The following MACROD2 variants were observed in gnomAD, a reference collection of about 807,000 sequenced individuals.
MACROD2 encodes mono-ADP ribosylhydrolase 2.
In MACROD2, 36 loss-of-function variants were observed where a neutral mutation model predicts 70.4. The observed-to-expected ratio is 0.51, with a 90% CI of 0.39 to 0.68. The LOEUF (loss-of-function observed/expected upper bound fraction) is 0.68. Among genes scored for constraint, MACROD2 ranks in the 30% least tolerant of loss-of-function variants. The pLI is 0.00. For synonymous variants in MACROD2, 172 were observed against 178.8 expected (o/e 0.96, Z 0.30); for missense variants, 496 against 538.4 (o/e 0.92, Z 0.78).
At chr20:15,139,222 G>A (rs1400500938) in intron 5 of MACROD2, among the ~76,000 whole-genome samples, 1 of 152,136 alleles carries the variant, frequency 6.6e-6, no homozygotes, top group Non-Finnish European at 1.5e-5. Flanking sequence ...TTTTTATGAG[G>A]AAAACAATGA....
chr20:15,450,740 T>C (rs2146392600), intron 7 of MACROD2, among the ~76,000 whole-genome samples: 1 of 152,296 alleles, frequency 6.6e-6, no homozygotes, highest in East Asian at 1.9e-4. Context: ...AAACCAGACC[T>C]GTTCCACCCA....
intron 8 of MACROD2, among the ~76,000 whole-genome samples, chr20:15,557,442 G>A (rs2146599355): frequency 6.6e-6 from 1 of 152,276 alleles, no homozygotes; most frequent in South Asian, 2.1e-4. Flanking sequence ...TACCCCACAA[G>A]AAGAAACAGC....
chr20:14,016,385 G>A (rs1294233950), intron 2 of MACROD2, among the ~76,000 whole-genome samples: 1 of 152,072 alleles, frequency 6.6e-6, no homozygotes, highest in Non-Finnish European at 1.5e-5. Flanking sequence ...TCTTAATAGT[G>A]TCCTTTGATT....
intron 8 of MACROD2, among the ~76,000 whole-genome samples, chr20:15,595,532 C>T (rs1234572447): frequency 6.6e-6 from 1 of 151,936 alleles, no homozygotes; most frequent in Non-Finnish European, 1.5e-5. Context: ...AAATGTTCAA[C>T]CTGAGGAATA....
chr20:14,206,337 G>A (rs1025540037), intron 3 of MACROD2, among the ~76,000 whole-genome samples: 4 of 152,176 alleles, frequency 2.6e-5, no homozygotes, highest in Admixed American at 1.3e-4. Context: ...CTCTAGAGGA[G>A]AGTCTCAGCA....
intron 15 of MACROD2, among the ~76,000 whole-genome samples, chr20:16,017,128 C>T (rs908433244): frequency 6.6e-6 from 1 of 152,220 alleles, no homozygotes; most frequent in African/African-American, 2.4e-5. Flanking sequence ...CCACTGCCCT[C>T]TTTCCTCCAA....
At chr20:14,363,816 C>CAAAAAAAAAAAAAAAAAAA (rs569929488) in intron 3 of MACROD2, among the ~76,000 whole-genome samples, 3 of 71,560 alleles carry the variant, frequency 4.2e-5, no homozygotes, top group Non-Finnish European at 4.8e-5. Flanking sequence ...GACTCTGTCT[C>CAAAAAAAAAAAAAAAAAAA]AAAAAAAAAA....
intron 5 of MACROD2, among the ~76,000 whole-genome samples, chr20:14,852,467 T>G (rs1210833959): frequency 2.0e-5 from 3 of 152,052 alleles, no homozygotes; most frequent in Non-Finnish European, 4.4e-5. Context: ...GATCACTGTT[T>G]CAAGAAGTTT....
chr20:15,961,348 G>C (rs570264053), intron 12 of MACROD2, among the ~76,000 whole-genome samples: 33 of 152,164 alleles, frequency 2.2e-4, no homozygotes, highest in Middle Eastern at 6.8e-3. Flanking sequence ...CCAAATGCTT[G>C]TCTCACTCTC....
At chr20:14,049,607 C>T (rs185796789) in intron 2 of MACROD2, among the ~76,000 whole-genome samples, 79 of 148,142 alleles carry the variant, frequency 5.3e-4, no homozygotes, top group African/African-American at 1.9e-3. Context: ...ACAAAAATTA[C>T]GTGGGCTTGG....
rs569507255 is a variant in MACROD2, at chr20:14,353,946, A to T, written c.272-139533A>T. 2.6e-5 allele frequency among the ~76,000 whole-genome samples: 4 copies of T among 152,242 alleles called. No homozygotes were observed. The East Asian group carries it at 7.7e-4, about 29-fold the overall frequency. On this transcript the variant is annotated intron_variant, in intron 3 of 17. Coordinates refer to ENST00000684519, the MANE Select transcript of MACROD2 (RefSeq NM_001351661.2). ...AGATACCTGAAAAAAATATACCTTT[A>T]GGAAGGAAGAAGGGGAAGGTGGGTG...
intron 4 of MACROD2, among the ~76,000 whole-genome samples, chr20:14,664,462 C>CT (rs936056002): frequency 1.8e-4 from 27 of 151,986 alleles, no homozygotes; most frequent in African/African-American, 5.3e-4. Context: ...TGGTTGCTTT[C>CT]TTTTTTTTAG....
intron 6 of MACROD2, among the ~76,000 whole-genome samples, chr20:15,266,164 T>G (rs978051911): frequency 1.3e-5 from 2 of 152,226 alleles, no homozygotes; most frequent in African/African-American, 4.8e-5. Context: ...TGTCTCTTAA[T>G]AAACTTAAAG....
chr20:14,785,428 T>C (rs2072357016), intron 5 of MACROD2, among the ~76,000 whole-genome samples: 1 of 152,024 alleles, frequency 6.6e-6, no homozygotes, highest in South Asian at 2.1e-4. Context: ...AATGTTCCCA[T>C]TGTGTTTAAA....
chr20:15,651,803 T>C (rs2049649107), intron 8 of MACROD2, among the ~76,000 whole-genome samples: 1 of 152,188 alleles, frequency 6.6e-6, no homozygotes, highest in Non-Finnish European at 1.5e-5. Flanking sequence ...TCTCTATAAA[T>C]TTCCTTTTCT....
chr20:14,768,265 A>C (rs2072117950), intron 5 of MACROD2, among the ~76,000 whole-genome samples: 1 of 152,074 alleles, frequency 6.6e-6, no homozygotes, highest in Non-Finnish European at 1.5e-5. Flanking sequence ...GCAGTGTAAA[A>C]GCCTTCCTAT....
At chr20:14,936,900 G>A (rs1330898271) in intron 5 of MACROD2, among the ~76,000 whole-genome samples, 1 of 152,192 alleles carries the variant, frequency 6.6e-6, no homozygotes, top group Non-Finnish European at 1.5e-5. Context: ...AACTTGTTTA[G>A]ATTTAACTAT....
intron 5 of MACROD2, among the ~76,000 whole-genome samples, chr20:14,869,525 G>A (rs888124162): frequency 2.0e-5 from 3 of 152,058 alleles, no homozygotes; most frequent in African/African-American, 2.4e-5. Flanking sequence ...AAGCCGTGGC[G>A]CTGCCTATTC....
chr20:14,461,260 T>A (rs1432609528), intron 3 of MACROD2, among the ~76,000 whole-genome samples: 1 of 152,110 alleles, frequency 6.6e-6, no homozygotes, highest in Non-Finnish European at 1.5e-5. Context: ...TTCTGTGGGA[T>A]CAGTGGTGAT....
Sources: gnomAD v4.1 joint callset for allele counts (sites outside exome capture counted in the v4.1 genomes callset) on GRCh38, gnomAD v4.1.1 for gene constraint, MANE v1.5 for transcripts, NCBI Gene and HGNC (gene_info 2026-07-23, HGNC 2026-07-21) for gene names.